Variants in NRXN3 observed in about 807,000 individuals in gnomAD.
The protein encoded by NRXN3 is neurexin III.
Under a neutral mutation model 137.6 loss-of-function variants are expected in NRXN3, and 32 were observed. The ratio of observed to expected loss-of-function variants is 0.23; its 90% CI spans 0.18 to 0.31. The LOEUF is 0.31. NRXN3 is among the 10% of genes least tolerant of loss of function. The probability of loss-of-function intolerance (pLI) is 1.00; values close to 1 mark genes in which losing one functional copy is unlikely to be tolerated. For missense variants in NRXN3, 1,574 were observed against 2,062.5 expected (o/e 0.76, Z 4.59); for synonymous variants, 798 against 784.5 (o/e 1.02, Z -0.29).
intron 15 of NRXN3, among the ~76,000 whole-genome samples, chr14:79,317,395 A>T (rs1258755604): frequency 6.6e-6 from 1 of 152,136 alleles, no homozygotes; most frequent in Non-Finnish European, 1.5e-5. Context: ...GTCACATGGC[A>T]TTCTCACCTT....
chr14:79,134,341 T>C (rs972242884), intron 15 of NRXN3, among the ~76,000 whole-genome samples: 12 of 152,260 alleles, frequency 7.9e-5, no homozygotes, highest in Admixed American at 6.5e-4. Context: ...TGTAATGTTA[T>C]GGAATATGAT....
At chr14:79,397,736 GA>G (rs1360062557) in intron 15 of NRXN3, among the ~76,000 whole-genome samples, 1 of 152,018 alleles carries the variant, frequency 6.6e-6, no homozygotes, top group African/African-American at 2.4e-5. Context: ...AAGAGTGTTG[GA>G]AGAAAATACA....
rs567683840 is a variant in NRXN3, at chr14:79,788,594, T to C, written c.4015-16518T>C. Among the ~76,000 whole-genome samples the C allele has an allele frequency of 7.2e-5, 11 of 152,320 alleles. No homozygotes were observed. In the East Asian group the frequency reaches 2.1e-3, roughly 29 times the overall value. ...AGAAGAGAAAACTAGGGTGCAGTGT[T>C]TGTGATTACCTTGGACTCTCACCAT... On this transcript the variant is annotated intron_variant, in intron 19 of 20. Transcript: ENST00000335750.
intron 16 of NRXN3, among the ~76,000 whole-genome samples, chr14:79,597,250 C>T (rs1301178225): frequency 4.6e-5 from 7 of 152,104 alleles, no homozygotes; most frequent in African/African-American, 1.7e-4. Flanking sequence ...AATTATTTTT[C>T]AGCCTTCTCA....
At chr14:79,071,959 C>T (rs2099688415) in intron 15 of NRXN3, among the ~76,000 whole-genome samples, 1 of 152,038 alleles carries the variant, frequency 6.6e-6, no homozygotes, top group Non-Finnish European at 1.5e-5. Context: ...TATGTACCTA[C>T]AAAAATTTTA....
intron 4 of NRXN3, among the ~76,000 whole-genome samples, chr14:78,632,388 T>C (rs1329329167): frequency 1.3e-5 from 2 of 152,186 alleles, no homozygotes; most frequent in Non-Finnish European, 2.9e-5. Flanking sequence ...GTTTGGAATA[T>C]GTGACATGCT....
At chr14:78,569,113 G>A (rs551842924) in intron 4 of NRXN3, among the ~76,000 whole-genome samples, 66 of 151,174 alleles carry the variant, frequency 4.4e-4, no homozygotes, top group African/African-American at 1.5e-3. Context: ...GACTACAGGC[G>A]CCAGCCACCA....
chr14:78,253,981 A>C (rs1036173465), intron 2 of NRXN3, among the ~76,000 whole-genome samples: 2 of 152,076 alleles, frequency 1.3e-5, no homozygotes, highest in Admixed American at 1.3e-4. Flanking sequence ...GTAATGGGCC[A>C]TGTGGGTGAA....
At chr14:78,990,864 C>T (rs1355238459) in intron 15 of NRXN3, among the ~76,000 whole-genome samples, 1 of 152,168 alleles carries the variant, frequency 6.6e-6, no homozygotes, top group African/African-American at 2.4e-5. Context: ...GCAGCAAAGC[C>T]AGTTTGTTCT....
intron 4 of NRXN3, among the ~76,000 whole-genome samples, chr14:78,621,623 A>G (rs991245079): frequency 1.3e-5 from 2 of 152,228 alleles, no homozygotes; most frequent in African/African-American, 2.4e-5. Context: ...TTTTTATTCA[A>G]TCATACCAAT....
intron 1 of NRXN3, among the ~76,000 whole-genome samples, chr14:78,235,640 T>G (rs1319135964): frequency 6.6e-6 from 1 of 152,032 alleles, no homozygotes; most frequent in African/African-American, 2.4e-5. Context: ...AAAAAAAGTC[T>G]CTTCCTGTCT....
intron 15 of NRXN3, among the ~76,000 whole-genome samples, chr14:79,096,110 CT>C (rs58994977): frequency 1.2e-3 from 170 of 144,482 alleles, no homozygotes; most frequent in Middle Eastern, 3.6e-3. Flanking sequence ...TTATTCTATT[CT>C]TTTTTTTTTT....
At chr14:79,708,498 G>T (rs199788786) in intron 19 of NRXN3, among the ~76,000 whole-genome samples, 14 of 146,232 alleles carry the variant, frequency 9.6e-5, no homozygotes, top group East Asian at 6.1e-4. Context: ...GGTAAGAATT[G>T]TTTTTTTTTT....
chr14:79,487,781 C>T (rs1290237731), intron 16 of NRXN3, among the ~76,000 whole-genome samples: 1 of 152,146 alleles, frequency 6.6e-6, no homozygotes, highest in Non-Finnish European at 1.5e-5. Context: ...TTTTCTCCAG[C>T]TTTCGGTATC....
intron 8 of NRXN3, among the ~76,000 whole-genome samples, chr14:78,795,255 G>T (rs985273485): frequency 6.6e-6 from 1 of 152,142 alleles, no homozygotes; most frequent in Non-Finnish European, 1.5e-5. Flanking sequence ...ACAGATAAAA[G>T]AAACATACAT....
At chr14:79,825,593 A>C (rs760545558) in intron 20 of NRXN3, among the ~76,000 whole-genome samples, 1 of 152,174 alleles carries the variant, frequency 6.6e-6, no homozygotes, top group Non-Finnish European at 1.5e-5. Context: ...CTTCACTTTA[A>C]CTTTTCTCAA....
At position 78,243,274 on chromosome 14, in the gene NRXN3, A is replaced by G; in HGVS notation, c.181A>G (p.Thr61Ala). The G allele has an allele frequency of 1.3e-6, 2 of 1,561,640 alleles. No homozygotes were observed. Among genetic ancestry groups the G allele is most frequent in the Non-Finnish European group, 1.7e-6 (2 of 1,161,418 alleles). ...TTTCCAGTTCAAGACCAACGTCTCT[A>G]CGGGGCTGCTCCTCTACCTGGATGA... ...LSFQFKTNVS[T>A]GLLLYLDDGG... Residue 61 changes from threonine to alanine, a missense_variant, in exon 2 of 21, where the codon ACG becomes GCG. Transcript: ENST00000335750. The surrounding 1 kb of genome is among the most constrained non-coding windows in gnomAD (Gnocchi z 4.2).
At chr14:78,443,112 C>G (rs1045116671) in intron 4 of NRXN3, among the ~76,000 whole-genome samples, 4 of 152,152 alleles carry the variant, frequency 2.6e-5, no homozygotes, top group African/African-American at 4.8e-5. Flanking sequence ...TTATGAGACC[C>G]AGTAGGTCAA....
intron 2 of NRXN3, among the ~76,000 whole-genome samples, chr14:78,246,536 A>C (rs965818224): frequency 1.3e-5 from 2 of 152,212 alleles, no homozygotes; most frequent in African/African-American, 4.8e-5. Flanking sequence ...GGAACAGAGC[A>C]GTGCAAAGGT....
Sources: allele counts gnomAD v4.1 joint callset (sites outside exome capture counted in the v4.1 genomes callset), GRCh38; gene constraint gnomAD v4.1.1; non-coding constraint Gnocchi (gnomAD v3.1); transcripts MANE v1.5; gene names NCBI Gene and HGNC (gene_info 2026-07-23, HGNC 2026-07-21).